ZSCAN25: variants seen among roughly 807,000 people sequenced by gnomAD.
ZSCAN25 encodes zinc finger and SCAN domain-containing protein 25.
Under a neutral mutation model 38.7 loss-of-function variants are expected in ZSCAN25, and 27 were observed. The ratio of observed to expected loss-of-function variants is 0.70; its 90% CI spans 0.51 to 0.96. The LOEUF is 0.96. ZSCAN25 is among the 40% of genes least tolerant of loss of function. The pLI is 0.00. For synonymous variants in ZSCAN25, 273 were observed against 277.7 expected (o/e 0.98, Z 0.17); for missense variants, 637 against 705.9 (o/e 0.90, Z 1.11).
the ZSCAN25 span, chr7:99,647,865 T>C: frequency 1.0e-6 from 1 of 985,132 alleles, no homozygotes; most frequent in Non-Finnish European, 1.2e-6. Flanking sequence ...TAAAGGGGAT[T>C]TTATCACTTC....
chr7:99,732,327 T>C, the ZSCAN25 span, among the ~76,000 whole-genome samples: 1 of 152,238 alleles, frequency 6.6e-6, no homozygotes, highest in Non-Finnish European at 1.5e-5. Context: ...CTATGCTTCC[T>C]GTAGAGCCTG....
chr7:99,679,685 T>G, the ZSCAN25 span: 2 of 725,862 alleles, frequency 2.8e-6, no homozygotes, highest in Non-Finnish European at 4.7e-6. Flanking sequence ...AATAATAACT[T>G]CTATGCGTTT....
the ZSCAN25 span, chr7:99,650,332 AACCAGTAGTACACAGGAT>A: frequency 9.3e-5 from 99 of 1,066,522 alleles, no homozygotes; most frequent in African/African-American, 1.4e-3. Flanking sequence ...TCCACCTCCC[AACCAGTAGTACACAGGAT>A]ACTTTTGTGG....
chr7:99,707,237 T>C, the ZSCAN25 span, among the ~76,000 whole-genome samples: 2 of 152,230 alleles, frequency 1.3e-5, no homozygotes, highest in Non-Finnish European at 2.9e-5. Context: ...GTGGTAGTCC[T>C]TCGTATCCAA....
downstream of ZSCAN25, among the ~76,000 whole-genome samples, chr7:99,633,775 G>T (rs1224395645): frequency 2.0e-5 from 3 of 152,206 alleles, no homozygotes; most frequent in Non-Finnish European, 2.9e-5. Context: ...CAGTCTGCTG[G>T]AGTTATAATT....
chr7:99,625,719 G>A (rs1807411106), intron 7 of ZSCAN25, among the ~76,000 whole-genome samples: 2 of 152,112 alleles, frequency 1.3e-5, no homozygotes, highest in South Asian at 4.1e-4. Context: ...GGGGTGAGGA[G>A]CCCCTCGCCC....
the ZSCAN25 span, among the ~76,000 whole-genome samples, chr7:99,709,485 G>T: frequency 6.6e-6 from 1 of 152,146 alleles, no homozygotes; most frequent in Admixed American, 6.5e-5. Context: ...ATTCGGGAAG[G>T]CTCTAACCCC....
chr7:99,719,836 A>G, the ZSCAN25 span, among the ~76,000 whole-genome samples: 1 of 152,262 alleles, frequency 6.6e-6, no homozygotes, highest in East Asian at 1.9e-4. Context: ...CGTCTCTACT[A>G]AAAATACAAA....
the ZSCAN25 span, among the ~76,000 whole-genome samples, chr7:99,729,855 G>T: frequency 6.6e-6 from 1 of 152,132 alleles, no homozygotes; most frequent in Non-Finnish European, 1.5e-5. Context: ...GACTCAGTTG[G>T]CCTGCACCCA....
chr7:99,717,269 A>G, the ZSCAN25 span: 1 of 1,613,960 alleles, frequency 6.2e-7, no homozygotes, highest in Non-Finnish European at 8.5e-7. Flanking sequence ...GGACCATCTA[A>G]GCACAAAACA....
the ZSCAN25 span, among the ~76,000 whole-genome samples, chr7:99,687,914 A>C: frequency 0.043 from 6,605 of 152,206 alleles, 457 homozygotes; most frequent in African/African-American, 0.15. Flanking sequence ...TCATATCCAG[A>C]CAAACTAAGC....
At chr7:99,681,002 T>C in the ZSCAN25 span, among the ~76,000 whole-genome samples, 1 of 152,248 alleles carries the variant, frequency 6.6e-6, no homozygotes, top group Non-Finnish European at 1.5e-5. Flanking sequence ...GCCCAGACAT[T>C]AGCTCAGTTG....
the ZSCAN25 span, chr7:99,717,451 C>G: frequency 6.3e-7 from 1 of 1,596,452 alleles, no homozygotes; most frequent in Non-Finnish European, 8.5e-7. Flanking sequence ...GAAAGGAACT[C>G]TGATCTTACT....
chr7:99,674,392 T>G, the ZSCAN25 span: 1 of 582,730 alleles, frequency 1.7e-6, no homozygotes, highest in Admixed American at 3.3e-5. Flanking sequence ...AATTATCCTC[T>G]TCTTTCAGAG....
chr7:99,686,338 A>C, the ZSCAN25 span, among the ~76,000 whole-genome samples: 2 of 152,106 alleles, frequency 1.3e-5, no homozygotes, highest in African/African-American at 4.8e-5. Flanking sequence ...GGCTTAAAAA[A>C]CGGCACACCA....
chr7:99,702,503 C>T, the ZSCAN25 span, among the ~76,000 whole-genome samples: 289 of 152,206 alleles, frequency 1.9e-3, no homozygotes, highest in African/African-American at 6.5e-3. Context: ...CAGAGGAGAC[C>T]GTCTTTTCCC....
At chr7:99,722,436 A>G in the ZSCAN25 span, 7 of 1,519,470 alleles carry the variant, frequency 4.6e-6, no homozygotes, top group Non-Finnish European at 4.5e-6. Context: ...GTCAAATCCA[A>G]TGAAATTAGA....
Position 99,630,877 on chromosome 7 carries a change from GTTATAA to G in ZSCAN25, c.*861_*866del, listed in dbSNP as rs1263676545. 5.1e-5 allele frequency: 50 copies of G among 983,576 alleles called. No homozygotes were observed. Among genetic ancestry groups the G allele is most frequent in the Non-Finnish European group, 5.9e-5 (49 of 828,368 alleles). The allele number at this position is 983,576 out of a possible 1,614,324, so 60.9% of individuals were successfully genotyped here. On this transcript the variant is annotated 3_prime_UTR_variant, in exon 8 of 8. Transcript: ENST00000394152. ...AAAAAACAGTTCTCTAGAAAGAACTGTTATAATTAAAATGAGTCTGAAAGATGAACT... is the reference window on the plus strand; with the variant it reads ...AAAAAACAGTTCTCTAGAAAGAACTGTTAAAATGAGTCTGAAAGATGAACT...
At chr7:99,634,005 A>G (rs1808162726), downstream of ZSCAN25, among the ~76,000 whole-genome samples, 1 of 152,208 alleles carries the variant, frequency 6.6e-6, no homozygotes, top group Non-Finnish European at 1.5e-5. Flanking sequence ...CTCCAGGTCA[A>G]ACGGGTATTT....
Sources: gnomAD v4.1 joint callset for allele counts (sites outside exome capture counted in the v4.1 genomes callset) on GRCh38, gnomAD v4.1.1 for gene constraint, MANE v1.5 for transcripts, NCBI Gene and HGNC (gene_info 2026-07-23, HGNC 2026-07-21) for gene names.